ROBO2: variants seen among roughly 807,000 people sequenced by gnomAD.
ROBO2 encodes roundabout homolog 2.
In ROBO2, 53 loss-of-function variants were observed where a neutral mutation model predicts 160.8. That is an observed-to-expected ratio of 0.33 (90% CI 0.26 to 0.41). The LOEUF (loss-of-function observed/expected upper bound fraction) is 0.41. Among genes scored for constraint, ROBO2 ranks in the 10% least tolerant of loss-of-function variants. The pLI is 1.00. For missense variants in ROBO2, 1,577 were observed against 1,722.4 expected (o/e 0.92, Z 1.49); for synonymous variants, 664 against 611.7 (o/e 1.09, Z -1.26).
intron 2 of ROBO2, among the ~76,000 whole-genome samples, chr3:76,097,259 A>G (rs2069490617): frequency 1.3e-5 from 2 of 152,322 alleles, no homozygotes; most frequent in South Asian, 2.1e-4. Flanking sequence ...CTCTGACGGC[A>G]TGAGCCTATT....
chr3:76,811,128 CA>C (rs2065129135), intron 2 of ROBO2, among the ~76,000 whole-genome samples: 1 of 151,962 alleles, frequency 6.6e-6, no homozygotes, highest in Admixed American at 6.6e-5. Context: ...CTATAATATT[CA>C]AAGTTTGGGA....
Position 77,363,983 on chromosome 3 carries a change from G to T in ROBO2, c.389-113431G>T, listed in dbSNP as rs145151409. The stretch of plus-strand genomic sequence containing the variant: ...AGTTCAAAGTCCTTGGGATGCCAAA[G>T]CATTATATTTTGGAGTATTCTCTTC... On this transcript the variant is annotated intron_variant, in intron 2 of 25. Coordinates refer to ENST00000461745, the Ensembl canonical transcript of ROBO2. Among the ~76,000 whole-genome samples the T allele has an allele frequency of 1.3e-4, 20 of 152,206 alleles. No homozygotes were observed. In the East Asian group the frequency reaches 3.9e-3, roughly 29 times the overall value.
chr3:76,422,159 A>G (rs529016927), intron 2 of ROBO2, among the ~76,000 whole-genome samples: 7 of 152,346 alleles, frequency 4.6e-5, no homozygotes, highest in Admixed American at 1.3e-4. Flanking sequence ...CCTAATATGT[A>G]TAATAATGGG....
Position 77,482,670 on chromosome 3 carries a change from A to T in ROBO2, c.667+1451A>T, listed in dbSNP as rs1362743383. ...CAGACAAGTGTCAGTTTGCCCCTAC[A>T]TTTCATGCAGTCCTCTATAAGAGTC... On this transcript the variant is annotated intron_variant, in intron 4 of 25. Coordinates refer to ENST00000461745, the Ensembl canonical transcript of ROBO2. Among the ~76,000 whole-genome samples, 3 of 152,156 alleles carry T rather than the reference A, an allele frequency of 2.0e-5. No individual in the cohort carries two copies. The South Asian group carries it at 6.2e-4, about 32-fold the overall frequency.
At chr3:77,493,516 A>G (rs1560990369) in intron 5 of ROBO2, 134 bp downstream of exon 5, 3 of 931,226 alleles carry the variant, frequency 3.2e-6, no homozygotes, top group East Asian at 5.3e-5. Flanking sequence ...TTACATATGC[A>G]AGCCACATAT....
chr3:75,916,302 G>A (rs2106782388), intron 1 of ROBO2, among the ~76,000 whole-genome samples: 1 of 152,204 alleles, frequency 6.6e-6, no homozygotes, highest in Admixed American at 6.5e-5. Flanking sequence ...ACAACTTCAA[G>A]TTATCTGATC....
intron 2 of ROBO2, among the ~76,000 whole-genome samples, chr3:77,023,174 T>C (rs2062747188): frequency 6.6e-6 from 1 of 152,212 alleles, no homozygotes. Context: ...CTCATGATAG[T>C]GAAAAGTCTC....
intron 2 of ROBO2, among the ~76,000 whole-genome samples, chr3:76,962,868 C>G (rs2079776072): frequency 6.6e-6 from 1 of 152,260 alleles, no homozygotes; most frequent in African/African-American, 2.4e-5. Flanking sequence ...TTGCTGTCCA[C>G]AGTCTCTGAC....
intron 2 of ROBO2, among the ~76,000 whole-genome samples, chr3:77,290,073 A>G (rs1366199496): frequency 2.0e-5 from 3 of 151,164 alleles, no homozygotes; most frequent in Non-Finnish European, 4.4e-5. Context: ...CCAAAGACAT[A>G]AAGTAAAATT....
At chr3:77,346,055 T>C (rs932420560) in intron 2 of ROBO2, among the ~76,000 whole-genome samples, 2 of 152,140 alleles carry the variant, frequency 1.3e-5, no homozygotes, top group Non-Finnish European at 2.9e-5. Flanking sequence ...TACATAATAC[T>C]CTGTGTTACT....
At chr3:76,658,054 G>T (rs1413020019) in intron 2 of ROBO2, among the ~76,000 whole-genome samples, 1 of 141,250 alleles carries the variant, frequency 7.1e-6, no homozygotes, top group Non-Finnish European at 1.5e-5. Flanking sequence ...GTGACAGAGC[G>T]AGATCCTGTC....
rs183965464 is a variant in ROBO2 at position 76,153,111 on chromosome 3, C to T, written c.109+215509C>T. 1.8e-4 allele frequency among the ~76,000 whole-genome samples: 28 copies of T among 152,152 alleles called. 1 individual carries two copies. Among genetic ancestry groups the T allele is most frequent in the Middle Eastern group, 6.8e-3 (2 of 294 alleles). ...AAATAAATCTCTTGTGGATTTCAGT[C>T]CCATGAAAACCTAATTCAAGAGTGA... On this transcript the variant is annotated intron_variant, in intron 2 of 26. Transcript: ENST00000487694.
At chr3:76,896,803 A>G (rs576472170) in intron 2 of ROBO2, among the ~76,000 whole-genome samples, 140 of 152,272 alleles carry the variant, frequency 9.2e-4, no homozygotes, top group African/African-American at 3.3e-3. Flanking sequence ...TGATTTTGAT[A>G]ATGAATACTT....
intron 2 of ROBO2, among the ~76,000 whole-genome samples, chr3:76,638,103 C>T (rs1450303231): frequency 2.0e-5 from 3 of 152,094 alleles, no homozygotes; most frequent in African/African-American, 7.2e-5. Context: ...TGTACTTGAT[C>T]CAGTCTTAAA....
intron 21 of ROBO2, among the ~76,000 whole-genome samples, chr3:77,613,524 A>C (rs1440568620): frequency 6.6e-6 from 1 of 152,174 alleles, no homozygotes; most frequent in Admixed American, 6.5e-5. Context: ...TTCATATTGA[A>C]AATAGATAGT....
chr3:75,934,685 A>AT (rs1334704046), intron 1 of ROBO2, among the ~76,000 whole-genome samples: 2 of 152,136 alleles, frequency 1.3e-5, no homozygotes, highest in East Asian at 1.9e-4. Context: ...GGAAGGTTAC[A>AT]TTTTTTTAAA....
chr3:77,233,821 A>C lies in ROBO2; in HGVS notation c.388+135481A>C, dbSNP rs147475703. Among the ~76,000 whole-genome samples the C allele has an allele frequency of 1.2e-4, 18 of 152,322 alleles. 1 individual carries two copies. In the East Asian group the frequency reaches 3.1e-3, roughly 26 times the overall value. On this transcript the variant is annotated intron_variant, in intron 2 of 25. Transcript: ENST00000461745. The stretch of plus-strand genomic sequence containing the variant: ...TTTCGCTCAAGAAAATAATACTTAA[A>C]TGAAATGAAATTTATTTGCTTCTAA...
intron 2 of ROBO2, among the ~76,000 whole-genome samples, chr3:76,490,108 C>CT (rs148287801): frequency 0.026 from 3,896 of 152,242 alleles, 175 homozygotes; most frequent in African/African-American, 0.088. Flanking sequence ...GTATGGAAGG[C>CT]TTTTGTTCCT....
intron 2 of ROBO2, among the ~76,000 whole-genome samples, chr3:77,122,671 C>A (rs2074894496): frequency 6.6e-6 from 1 of 152,108 alleles, no homozygotes; most frequent in Non-Finnish European, 1.5e-5. Context: ...GGGATGACAA[C>A]ATAAAAAATG....
Sources: allele counts gnomAD v4.1 joint callset (sites outside exome capture counted in the v4.1 genomes callset), GRCh38; gene constraint gnomAD v4.1.1; transcripts MANE v1.5; gene names NCBI Gene and HGNC (gene_info 2026-07-23, HGNC 2026-07-21).